Variants in PTPRK observed in about 807,000 individuals in gnomAD.
PTPRK encodes receptor-type tyrosine-protein phosphatase kappa.
Under a neutral mutation model 178.0 loss-of-function variants are expected in PTPRK, and 75 were observed. That is an observed-to-expected ratio of 0.42 (90% CI 0.35 to 0.51). The LOEUF is 0.51. Among genes scored for constraint, PTPRK ranks in the 20% least tolerant of loss-of-function variants. PTPRK has a pLI of 0.02. For synonymous variants in PTPRK, 637 were observed against 620.6 expected, an observed-to-expected ratio of 1.03 and a Z score of -0.39; for missense variants, 1,441 against 1,797.8, an observed-to-expected ratio of 0.80 and a Z score of 3.59.
intron 3 of PTPRK, among the ~76,000 whole-genome samples, chr6:128,279,805 C>A (rs912875677): frequency 2.0e-5 from 3 of 152,076 alleles, no homozygotes; most frequent in East Asian, 3.9e-4. Context: ...AGAAAGTATT[C>A]GTGGATCACA....
intron 5 of PTPRK, among the ~76,000 whole-genome samples, chr6:128,222,135 C>T (rs754470776): frequency 2.0e-5 from 3 of 152,192 alleles, no homozygotes; most frequent in Non-Finnish European, 2.9e-5. Flanking sequence ...AATTCTCTTG[C>T]ACATGTCCAC....
intron 21 of PTPRK, among the ~76,000 whole-genome samples, chr6:127,988,833 T>A (rs1258491814): frequency 6.6e-6 from 1 of 151,996 alleles, no homozygotes; most frequent in East Asian, 1.9e-4. Context: ...ATATTTAATT[T>A]TTCCTTTGTT....
chr6:128,184,353 A>G, intron 7 of PTPRK, 79 bp downstream of exon 7: 3 of 1,355,716 alleles, frequency 2.2e-6, no homozygotes, highest in Non-Finnish European at 2.0e-6. Context: ...AATAATGAGA[A>G]CCTTCAACAC....
chr6:128,328,095 C>T (rs1829806063), intron 2 of PTPRK, among the ~76,000 whole-genome samples: 1 of 152,188 alleles, frequency 6.6e-6, no homozygotes, highest in Non-Finnish European at 1.5e-5. Context: ...ACAGCTCCGT[C>T]CACTGTGCAG....
chr6:128,278,124 T>TTTA (rs1554205117), intron 3 of PTPRK, among the ~76,000 whole-genome samples: 1 of 53,796 alleles, frequency 1.9e-5, no homozygotes, highest in Non-Finnish European at 3.5e-5. Context: ...TTTTGTGTTT[T>TTTA]TTATTTATTT....
At chr6:128,341,129 C>T (rs1831601973) in intron 2 of PTPRK, among the ~76,000 whole-genome samples, 1 of 152,014 alleles carries the variant, frequency 6.6e-6, no homozygotes, top group Non-Finnish European at 1.5e-5. Context: ...GTGTTATTTG[C>T]CACATTTGAT....
intron 7 of PTPRK, among the ~76,000 whole-genome samples, chr6:128,169,150 T>C (rs917350864): frequency 1.2e-4 from 19 of 152,220 alleles, no homozygotes; most frequent in African/African-American, 4.1e-4. Flanking sequence ...GCATGAAGAC[T>C]ATAGTTAATA....
At chr6:128,439,630 A>G (rs1846041578) in intron 1 of PTPRK, among the ~76,000 whole-genome samples, 1 of 152,226 alleles carries the variant, frequency 6.6e-6, no homozygotes, top group African/African-American at 2.4e-5. Context: ...ACCGATTACA[A>G]TGAATGACAA....
chr6:127,991,190 A>AT (rs1224826496), intron 20 of PTPRK, 104 bp downstream of exon 20: 40 of 873,450 alleles, frequency 4.6e-5, no homozygotes, highest in South Asian at 9.7e-5. Flanking sequence ...TGTGCCTATA[A>AT]TTTTTTTTAA....
At chr6:128,114,887 G>A (rs1791236075) in intron 7 of PTPRK, among the ~76,000 whole-genome samples, 1 of 151,858 alleles carries the variant, frequency 6.6e-6, no homozygotes, top group Non-Finnish European at 1.5e-5. Context: ...GGTATAAGTG[G>A]CATTTATGTC....
At chr6:127,983,142 T>A in intron 23 of PTPRK, 100 bp downstream of exon 23, 5 of 1,315,746 alleles carry the variant, frequency 3.8e-6, no homozygotes, top group Non-Finnish European at 4.1e-6. Flanking sequence ...ATGAAAAACA[T>A]CTCTTTCGGT....
At chr6:128,067,941 C>A in intron 11 of PTPRK, 149 bp from the exon 12 acceptor site, 1 of 673,620 alleles carries the variant, frequency 1.5e-6, no homozygotes, top group Non-Finnish European at 2.2e-6. Flanking sequence ...CTCTTTTCAG[C>A]TATTTCGCAA....
chr6:128,398,176 T>G (rs1226900527), intron 1 of PTPRK, among the ~76,000 whole-genome samples: 1 of 152,154 alleles, frequency 6.6e-6, no homozygotes, highest in East Asian at 1.9e-4. Context: ...CGGAATCTTC[T>G]CAGGTCCAAA....
At chr6:128,089,070 T>G (rs914764563) in intron 8 of PTPRK, among the ~76,000 whole-genome samples, 4 of 152,198 alleles carry the variant, frequency 2.6e-5, no homozygotes, top group African/African-American at 9.6e-5. Context: ...CAAGTGATTC[T>G]CCTGCCTTGA....
intron 5 of PTPRK, among the ~76,000 whole-genome samples, chr6:128,225,874 C>G (rs560296096): frequency 6.6e-6 from 1 of 151,756 alleles, no homozygotes; most frequent in Non-Finnish European, 1.5e-5. Flanking sequence ...TACCATTTGA[C>G]AGAGAGAGAA....
At chr6:128,159,997 A>C (rs1176330267) in intron 7 of PTPRK, among the ~76,000 whole-genome samples, 2 of 151,748 alleles carry the variant, frequency 1.3e-5, no homozygotes, top group Non-Finnish European at 1.5e-5. Context: ...TATTGTTATA[A>C]AAGAATTAAA....
intron 1 of PTPRK, chr6:128,518,948 T>TTA (rs1448986975): frequency 6.4e-6 from 3 of 468,248 alleles, no homozygotes; most frequent in African/African-American, 4.0e-5. Context: ...CAATTTGAGT[T>TTA]TATTTCCAGG....
At chr6:128,018,953 A>G (rs1562445881) in intron 13 of PTPRK, among the ~76,000 whole-genome samples, 3 of 152,130 alleles carry the variant, frequency 2.0e-5, no homozygotes, top group South Asian at 2.1e-4. Context: ...TCCTTTAGAG[A>G]GCGTATAAAC....
intron 5 of PTPRK, among the ~76,000 whole-genome samples, chr6:128,220,042 CAT>C (rs1810108918): frequency 6.6e-6 from 1 of 151,934 alleles, no homozygotes; most frequent in Non-Finnish European, 1.5e-5. Flanking sequence ...TACTGGAAGC[CAT>C]ATTTATGATA....
Sources: allele counts gnomAD v4.1 joint callset (sites outside exome capture counted in the v4.1 genomes callset), GRCh38; gene constraint gnomAD v4.1.1; transcripts MANE v1.5; gene names NCBI Gene and HGNC (gene_info 2026-07-23, HGNC 2026-07-21).